Variants in HEATR5B observed in about 807,000 individuals in gnomAD.
HEATR5B encodes the protein HEAT repeat-containing protein 5B.
A neutral mutation model predicts 224.1 loss-of-function variants in HEATR5B; 156 were observed. The ratio of observed to expected loss-of-function variants is 0.70; its 90% CI spans 0.61 to 0.80. The LOEUF (loss-of-function observed/expected upper bound fraction) is 0.80, where lower values mean the gene tolerates loss of function less well. HEATR5B is among the 30% of genes least tolerant of loss of function. The pLI, the probability that HEATR5B is intolerant of heterozygous loss-of-function variation, is 0.00. For missense variants in HEATR5B, 2,323 were observed against 2,535.5 expected (o/e 0.92, Z 1.80); for synonymous variants, 1,027 against 893.0 (o/e 1.15, Z -2.68).
Position 37,079,274 on chromosome 2 carries a change from T to C in HEATR5B, c.184A>G (p.Ser62Gly). 2 of 1,613,082 alleles carry C rather than the reference T, an allele frequency of 1.2e-6. No individual in the cohort carries two copies. Among genetic ancestry groups the C allele is most frequent in the Non-Finnish European group, 1.7e-6 (2 of 1,179,292 alleles). Reference sequence around the variant, plus strand: ...TTTCGTGTAGGTGGTCCAGGTGAACTACTTATTAATCCAGTTAATTGTTCA... The same window carrying C: ...TTTCGTGTAGGTGGTCCAGGTGAACCACTTATTAATCCAGTTAATTGTTCA... ...LVEQLTGLIS[S>G]SPGPPTRKLL... The change falls in exon 3 of 36, where the codon AGT becomes GGT. Residue 62 changes from serine to glycine, a missense_variant. This residue lies in a region of HEATR5B where 292 missense variants were observed against 332.6 expected (regional missense o/e 0.88). Coordinates refer to ENST00000233099, the MANE Select transcript of HEATR5B (RefSeq NM_019024.3).
chr2:37,032,210 C>T (rs1669178356), intron 22 of HEATR5B, among the ~76,000 whole-genome samples: 1 of 152,020 alleles, frequency 6.6e-6, no homozygotes. Flanking sequence ...TTTTAAGCTG[C>T]AAATAATTTT....
At chr2:37,046,050 T>C (rs1670171756) in intron 18 of HEATR5B, among the ~76,000 whole-genome samples, 1 of 152,352 alleles carries the variant, frequency 6.6e-6, no homozygotes, top group South Asian at 2.1e-4. Context: ...TGTTCATATT[T>C]AACTAGTAAT....
intron 2 of HEATR5B, among the ~76,000 whole-genome samples, chr2:37,082,100 A>G (rs1227578039): frequency 1.3e-5 from 1 of 79,662 alleles, no homozygotes; most frequent in East Asian, 5.4e-4. Context: ...ATGGAGTTTC[A>G]CTCTTGTCCC....
At chr2:36,997,497 A>G (rs984480045) in intron 33 of HEATR5B, among the ~76,000 whole-genome samples, 8 of 151,316 alleles carry the variant, frequency 5.3e-5, no homozygotes, top group African/African-American at 1.5e-4. Context: ...TCTAATTTCT[A>G]TATAGACCAA....
At position 37,014,018 on chromosome 2, in the gene HEATR5B, T is replaced by C; in HGVS notation, c.4107A>G (p.Val1369=). ...PSDIIAKACQ[V]CSTWIGSGVV... is the part of the protein sequence containing the mutation. ...CTCCACTTCCTATCCATGTACTACATACCTAGACAAAGAGAATTCAAAAAC... is the reference window on the plus strand; with the variant it reads ...CTCCACTTCCTATCCATGTACTACACACCTAGACAAAGAGAATTCAAAAAC... The change falls in exon 27 of 36, where the codon GTA becomes GTG. Residue 1369 remains valine (V), a splice_region_variant and synonymous_variant. Coordinates refer to ENST00000233099, the MANE Select transcript of HEATR5B (RefSeq NM_019024.3). 7 of 1,535,428 alleles carry C rather than the reference T, an allele frequency of 4.6e-6. No individual in the cohort carries two copies. Among genetic ancestry groups the C allele is most frequent in the Non-Finnish European group, 6.2e-6 (7 of 1,136,100 alleles).
chr2:37,059,455 TATATATA>T (rs1558358685), intron 12 of HEATR5B, among the ~76,000 whole-genome samples: 4 of 107,836 alleles, frequency 3.7e-5, no homozygotes, highest in South Asian at 3.5e-4. Flanking sequence ...TGTATATATA[TATATATA>T]TATTTTTTTT....
intron 21 of HEATR5B, among the ~76,000 whole-genome samples, chr2:37,033,324 T>C (rs965118042): frequency 4.6e-5 from 7 of 152,178 alleles, no homozygotes; most frequent in Non-Finnish European, 1.0e-4. Flanking sequence ...GCCAAAATAA[T>C]TGTCCCAAGA....
At chr2:37,000,561 A>G (rs1667022528) in intron 33 of HEATR5B, 25 bp downstream of exon 33, 1 of 1,584,194 alleles carries the variant, frequency 6.3e-7, no homozygotes, top group African/African-American at 1.3e-5. Context: ...CTAACTAACT[A>G]AAACGTTTAA....
At chr2:37,005,914 C>T (rs529515458) in intron 29 of HEATR5B, among the ~76,000 whole-genome samples, 155 bp from the exon 30 acceptor site, 1 of 147,174 alleles carries the variant, frequency 6.8e-6, no homozygotes, top group East Asian at 1.9e-4. Flanking sequence ...CCAAGTTAAA[C>T]AGCCAAACTC....
At chr2:37,018,399 G>A (rs1668258336) in intron 26 of HEATR5B, among the ~76,000 whole-genome samples, 1 of 152,118 alleles carries the variant, frequency 6.6e-6, no homozygotes, top group South Asian at 2.1e-4. Context: ...TATTTGTGTG[G>A]CAGTATCCCA....
intron 26 of HEATR5B, 134 bp downstream of exon 26, chr2:37,019,675 T>A (rs1668346236): frequency 4.9e-6 from 3 of 615,412 alleles, no homozygotes; most frequent in Non-Finnish European, 8.5e-6. Flanking sequence ...CAGGCTGATC[T>A]CAAACTCCTG....
rs1349384873 is a variant in HEATR5B at position 37,008,779 on chromosome 2, C to G, written c.4354G>C (p.Asp1452His). 3 of 1,614,086 alleles carry G rather than the reference C, an allele frequency of 1.9e-6. No homozygotes were observed. The highest frequency in any genetic ancestry group is 2.5e-6 in the Non-Finnish European group (3 of 1,179,998). Residue 1452 changes from aspartate (D) to histidine (H), a missense_variant, in exon 28 of 36, where the codon GAC (aspartate) becomes CAC (histidine). Physicochemically the swap from Asp to His is moderately conservative, Grantham distance 81. This residue lies in a region of HEATR5B where 844 missense variants were observed against 812.9 expected (regional missense o/e 1.04). Transcript: ENST00000233099. ...SKPKRAIKNT[D>H]DDDDDCGTID... is the part of the protein sequence containing the mutation. ...GTACCACAGTCGTCATCATCATCGT[C>G]AGTATTTTTAATTGCTCTTTTTGGT...
In HEATR5B at chr2:37,065,853, G is replaced by C. The variant is rs762568719; in HGVS notation, c.1235C>G (p.Ala412Gly). 1 of 1,613,790 alleles carries C rather than the reference G, an allele frequency of 6.2e-7. No individual in the cohort carries two copies. The highest frequency in any genetic ancestry group is 8.5e-7 in the Non-Finnish European group (1 of 1,179,782). ...ENKSGAADIA[A>G]SQHVMVCALQ... is the part of the protein sequence containing the mutation. ...GGCACAGACCATCACATGCTGGCTT[G>C]CTGCAATGTCTGCTGCGCCAGATTT... Residue 412 changes from alanine (A) to glycine (G), a missense_variant, in exon 9 of 36, where the codon GCA (alanine) becomes GGA (glycine). Ala to Gly is a moderately conservative substitution (Grantham distance 60, BLOSUM62 0). Coordinates refer to ENST00000233099, the MANE Select transcript of HEATR5B (RefSeq NM_019024.3).
At position 37,077,103 on chromosome 2, in the gene HEATR5B, T is replaced by C. The variant is rs139119548; in HGVS notation, c.339-84A>G. 6.0e-4 allele frequency: 702 copies of C among 1,175,526 alleles called. 5 individuals are homozygous for C. The African/African-American group carries it at 9.7e-3, about 16-fold the overall frequency. 72.8% of individuals were successfully genotyped at this position (1,175,526 alleles called of 1,614,324 possible). On this transcript the variant is annotated intron_variant, in intron 3 of 35. Coordinates refer to ENST00000233099, the MANE Select transcript of HEATR5B (RefSeq NM_019024.3). Reference sequence around the variant, plus strand: ...TCTCATTTTTAGAAATCAATTTGCATTTGTCTAGGACACTTTTGGCTATAA... The same window carrying C: ...TCTCATTTTTAGAAATCAATTTGCACTTGTCTAGGACACTTTTGGCTATAA...
chr2:37,004,394 C>T (rs1391460255), intron 30 of HEATR5B, among the ~76,000 whole-genome samples: 3 of 150,940 alleles, frequency 2.0e-5, no homozygotes, highest in Non-Finnish European at 2.9e-5. Flanking sequence ...AGTTAGGCTA[C>T]TCTTGTCAGT....
intron 14 of HEATR5B, 111 bp from the exon 15 acceptor site, chr2:37,057,591 C>T (rs1360461901): frequency 1.3e-5 from 8 of 631,850 alleles, no homozygotes; most frequent in Non-Finnish European, 2.1e-5. Flanking sequence ...AATTAAGTCT[C>T]TGTTCTCTTC....
intron 34 of HEATR5B, among the ~76,000 whole-genome samples, chr2:36,990,067 A>AT (rs954033157): frequency 4.0e-5 from 6 of 151,164 alleles, no homozygotes; most frequent in Admixed American, 2.0e-4. Context: ...ACACCTGGCT[A>AT]TTTTTTTTGT....
rs754943878 is a variant in HEATR5B at position 36,981,450 on chromosome 2, G to A, written c.*40C>T. 2.0e-6 allele frequency: 3 copies of A among 1,492,148 alleles called. No individual in the cohort carries two copies. The highest frequency in any genetic ancestry group is 2.5e-5 in the South Asian group (2 of 79,438). 92.4% of individuals were successfully genotyped at this position (1,492,148 alleles called of 1,614,324 possible). The stretch of plus-strand genomic sequence containing the variant: ...ATACAGTGGCCATCACTAATTAGGG[G>A]CTAGTTGACAACATAAATACAAATA... On this transcript the variant is annotated 3_prime_UTR_variant, in exon 36 of 36. Coordinates refer to ENST00000233099, the MANE Select transcript of HEATR5B (RefSeq NM_019024.3).
intron 29 of HEATR5B, among the ~76,000 whole-genome samples, chr2:37,006,760 T>C (rs943339970): frequency 1.3e-5 from 2 of 152,220 alleles, no homozygotes; most frequent in Non-Finnish European, 2.9e-5. Flanking sequence ...AAGTGCCAAG[T>C]AAAAAGAAAA....
Sources: allele counts gnomAD v4.1 joint callset (sites outside exome capture counted in the v4.1 genomes callset), GRCh38; gene constraint gnomAD v4.1.1; regional missense constraint gnomAD v4.1.1; transcripts MANE v1.5; gene names NCBI Gene and HGNC (gene_info 2026-07-23, HGNC 2026-07-21).